Variants in ALPK2 observed in about 807,000 individuals in gnomAD.
ALPK2 encodes the protein alpha kinase 2.
In ALPK2, 127 loss-of-function variants were observed where a neutral mutation model predicts 163.1. That is an observed-to-expected ratio of 0.78 (90% confidence interval 0.67 to 0.90). The LOEUF (loss-of-function observed/expected upper bound fraction) is 0.90. ALPK2 is among the 40% of genes least tolerant of loss of function. The pLI, the probability that ALPK2 is intolerant of heterozygous loss-of-function variation, is 0.00. For synonymous variants in ALPK2, 953 were observed against 959.1 expected, an observed-to-expected ratio of 0.99 and a Z score of 0.12; for missense variants, 2,360 against 2,589.6, an observed-to-expected ratio of 0.91 and a Z score of 1.92.
intron 8 of ALPK2, 82 bp from the exon 9 acceptor site, chr18:58,517,264 C>T: frequency 6.9e-7 from 1 of 1,457,616 alleles, no homozygotes; most frequent in Admixed American, 1.9e-5. Context: ...AGGGTCCCCA[C>T]ATAAGGACAA....
chr18:58,497,862 T>C, intron 12 of ALPK2, among the ~76,000 whole-genome samples, 187 bp downstream of exon 12: 1 of 152,230 alleles, frequency 6.6e-6, no homozygotes, highest in South Asian at 2.1e-4. Flanking sequence ...ACAAATGTGC[T>C]CCCCTGTGAG....
intron 4 of ALPK2, among the ~76,000 whole-genome samples, chr18:58,575,732 GTTTTCCACTCCCAAACTGGGA>G (rs1211840302): frequency 6.6e-6 from 1 of 152,172 alleles, no homozygotes; most frequent in Non-Finnish European, 1.5e-5. Flanking sequence ...TACCCTCTCT[GTTTTCCACTCCCAAACTGGGA>G]TTAACTTTAT....
intron 1 of ALPK2, among the ~76,000 whole-genome samples, chr18:58,615,569 C>T (rs989654626): frequency 1.3e-5 from 2 of 152,186 alleles, no homozygotes; most frequent in African/African-American, 2.4e-5. Context: ...TGGTAATCAG[C>T]GTAGTATAAG....
At chr18:58,494,024 C>G (rs1324904196) in intron 12 of ALPK2, among the ~76,000 whole-genome samples, 2 of 152,178 alleles carry the variant, frequency 1.3e-5, no homozygotes, top group Non-Finnish European at 2.9e-5. Flanking sequence ...CGGGAACTCC[C>G]CGACTGGCTG....
In ALPK2 at chr18:58,611,764, G is replaced by T; in HGVS notation, c.34C>A (p.Leu12Met). The change falls in exon 2 of 13, where the codon CTG becomes ATG. Residue 12 changes from leucine (L) to methionine (M), a missense_variant. Coordinates refer to ENST00000361673, the MANE Select transcript of ALPK2 (RefSeq NM_052947.4). The stretch of plus-strand genomic sequence containing the variant: ...GAAAGCAATGTAGATAAAAAACACA[G>T]CGGGGGCCTCTGGGGCCCTTCGGAG... ...KDSEGPQRPP[L>M]CFLSTLLSQK... is the part of the protein sequence containing the mutation. 6.2e-7 allele frequency: 1 copy of T among 1,611,184 alleles called. No homozygotes were observed. The highest frequency in any genetic ancestry group is 8.5e-7 in the Non-Finnish European group (1 of 1,179,082).
intron 1 of ALPK2, among the ~76,000 whole-genome samples, chr18:58,626,344 C>T (rs529832215): frequency 7.9e-5 from 12 of 152,232 alleles, no homozygotes; most frequent in East Asian, 1.9e-4. Context: ...GCCCACGGTG[C>T]GATCCCTATC....
At chr18:58,570,954 T>TA (rs923694869) in intron 4 of ALPK2, among the ~76,000 whole-genome samples, 1 of 152,310 alleles carries the variant, frequency 6.6e-6, no homozygotes, top group Admixed American at 6.5e-5. Context: ...TGGCCACTGG[T>TA]AAAATCCCTG....
rs1602224189 is a variant in ALPK2, at chr18:58,573,226, G to GTATGTGTGTA, written c.1962+5587_1962+5588insTACACACATA. 2.9e-5 allele frequency among the ~76,000 whole-genome samples: 4 copies of GTATGTGTGTA among 139,466 alleles called. 1 individual carries two copies. Among genetic ancestry groups the GTATGTGTGTA allele is most frequent in the African/African-American group, 5.5e-5 (2 of 36,468 alleles). 91.5% of individuals were successfully genotyped at this position (139,466 alleles called of 152,430 possible). On this transcript the variant is annotated intron_variant, in intron 4 of 12. Coordinates refer to ENST00000361673, the MANE Select transcript of ALPK2 (RefSeq NM_052947.4). ...TATGTGTATATATGTATATATATGT[G>GTATGTGTGTA]TATATGTGTGTATATATGTGTATAT...
intron 5 of ALPK2, 53 bp from the exon 6 acceptor site, chr18:58,529,291 ACC>A: frequency 6.6e-7 from 1 of 1,512,830 alleles, no homozygotes; most frequent in East Asian, 2.3e-5. Context: ...CCCATTTCAT[ACC>A]ATTTAATTCT....
At chr18:58,605,991 G>A (rs67728633) in intron 3 of ALPK2, among the ~76,000 whole-genome samples, 16,259 of 152,214 alleles carry the variant, frequency 0.11, 1,192 homozygotes, top group Non-Finnish European at 0.16. Flanking sequence ...ATGAGTAATG[G>A]GTATCTCAAA....
chr18:58,502,819 C>T (rs2051439483), intron 11 of ALPK2, among the ~76,000 whole-genome samples: 2 of 152,230 alleles, frequency 1.3e-5, no homozygotes, highest in South Asian at 2.1e-4. Flanking sequence ...TTAGCTTGCC[C>T]ATGTGGGCAG....
In ALPK2 at chr18:58,536,957, G is replaced by A; in HGVS notation, c.3230C>T (p.Pro1077Leu). Residue 1077 changes from proline (P) to leucine (L), a missense_variant, in exon 5 of 13, where the codon CCC becomes CTC. Pro to Leu is a moderately conservative substitution (Grantham distance 98). Coordinates refer to ENST00000361673, the MANE Select transcript of ALPK2 (RefSeq NM_052947.4). ...ATGGTGTGGGACTCCTGGCACACTG[G>A]GTGCCCTGCAAAGTAGCTCTTTTGT... ...KSTKELLCRAPSVPGVPHHVL... is the reference protein window; with the variant it reads ...KSTKELLCRALSVPGVPHHVL... 1 of 1,614,174 alleles carries A rather than the reference G, an allele frequency of 6.2e-7. No individual in the cohort carries two copies. The highest frequency in any genetic ancestry group is 8.5e-7 in the Non-Finnish European group (1 of 1,180,010).
At position 58,508,897 on chromosome 18, in the gene ALPK2, A is replaced by G. The variant is rs151132327; in HGVS notation, c.6030-4749T>C. 1.2e-3 allele frequency among the ~76,000 whole-genome samples: 178 copies of G among 150,280 alleles called. 8 individuals are homozygous for G. In the East Asian group the frequency reaches 0.029, roughly 24 times the overall value. ...TATAATAAACTCTTTTTTTTTTTCA[A>G]TTATACTTTAAGTTTTAGGGTACAT... On this transcript the variant is annotated intron_variant, in intron 10 of 12. Coordinates refer to ENST00000361673, the MANE Select transcript of ALPK2 (RefSeq NM_052947.4).
chr18:58,493,189 G>A (rs558517375), intron 12 of ALPK2, among the ~76,000 whole-genome samples: 4 of 152,244 alleles, frequency 2.6e-5, no homozygotes, highest in Non-Finnish European at 5.9e-5. Flanking sequence ...AGATTGGTCC[G>A]CTGATGCCTG....
In ALPK2 at chr18:58,607,455, G is replaced by T. The variant is rs759803474; in HGVS notation, c.110-16C>A. The stretch of plus-strand genomic sequence containing the variant: ...TTGGGCTGACCTGACAATAAAGAAA[G>T]AAAAGTATCCTTATTAGTTTAAGTA... On this transcript the variant is annotated splice_polypyrimidine_tract_variant and intron_variant, in intron 2 of 12. Coordinates refer to ENST00000361673, the MANE Select transcript of ALPK2 (RefSeq NM_052947.4). 1 of 1,439,038 alleles carries T rather than the reference G, an allele frequency of 6.9e-7. No homozygotes were observed. Among genetic ancestry groups the T allele is most frequent in the Non-Finnish European group, 9.4e-7 (1 of 1,064,692 alleles). 89.1% of individuals were successfully genotyped at this position (1,439,038 alleles called of 1,614,324 possible).
At chr18:58,517,214 A>G (rs1484369548) in intron 8 of ALPK2, 32 bp from the exon 9 acceptor site, 1 of 1,601,844 alleles carries the variant, frequency 6.2e-7, no homozygotes, top group Non-Finnish European at 8.5e-7. Flanking sequence ...GTTGGAAAGA[A>G]TACCTCCCAG....
chr18:58,511,054 C>T (rs1384120264), intron 10 of ALPK2, among the ~76,000 whole-genome samples: 29 of 152,152 alleles, frequency 1.9e-4, no homozygotes, highest in African/African-American at 6.0e-4. Context: ...TTTTGAGATA[C>T]GTCCCATCAA....
At position 58,562,114 on chromosome 18, in the gene ALPK2, G is replaced by C. The variant is rs988123321; in HGVS notation, c.1962+16700C>G. ...TCACTTACAGATAGAGGTGCCCTGG[G>C]CATGTTAATTAACCTCTTTGAGCGT... On this transcript the variant is annotated intron_variant, in intron 4 of 12. Transcript: ENST00000361673. 3.9e-5 allele frequency among the ~76,000 whole-genome samples: 6 copies of C among 152,244 alleles called. No homozygotes were observed. The East Asian group carries it at 1.2e-3, about 29-fold the overall frequency.
chr18:58,516,985 T>A lies in ALPK2; in HGVS notation c.5863A>T (p.Lys1955Ter). Residue 1955 changes from lysine to a stop codon, truncating the protein, a stop_gained, in exon 9 of 13, where the codon AAG becomes TAG. Transcript: ENST00000361673. LOFTEE classifies it high-confidence loss of function. ...VFKPGHACVL[K>*]VHNAIAYGTR... ...CCATAGGCAATGGCATTGTGCACCT[T>A]AAGCACACAGGCATGGCCAGGTTTG... 6.2e-7 allele frequency: 1 copy of A among 1,614,180 alleles called. No homozygotes were observed. The highest frequency in any genetic ancestry group is 1.1e-5 in the South Asian group (1 of 91,086).
Sources: gnomAD v4.1 joint callset for allele counts (sites outside exome capture counted in the v4.1 genomes callset) on GRCh38, gnomAD v4.1.1 for gene constraint, MANE v1.5 for transcripts, NCBI Gene and HGNC (gene_info 2026-07-23, HGNC 2026-07-21) for gene names.